Variants in TMEM131 observed in about 807,000 individuals in gnomAD.
The protein encoded by TMEM131 is transmembrane protein 131.
In TMEM131, 66 loss-of-function variants were observed where a neutral mutation model predicts 211.6. The ratio of observed to expected loss-of-function variants is 0.31; its 90% CI spans 0.26 to 0.38. The LOEUF (loss-of-function observed/expected upper bound fraction) is 0.38, where lower values mean the gene tolerates loss of function less well. Ranked by LOEUF, TMEM131 falls within the 10% of genes least tolerant of loss-of-function variation. The pLI is 1.00. For missense variants in TMEM131, 2,036 were observed against 2,299.3 expected (o/e 0.89, Z 2.34); for synonymous variants, 844 against 841.3 (o/e 1.00, Z -0.06).
chr2:97,871,941 G>A (rs547734540), intron 4 of TMEM131, among the ~76,000 whole-genome samples: 12 of 143,256 alleles, frequency 8.4e-5, no homozygotes, highest in East Asian at 7.9e-4. Flanking sequence ...AAATGGGGTC[G>A]GGGGGGGAGT....
intron 4 of TMEM131, among the ~76,000 whole-genome samples, chr2:97,864,237 C>CA (rs1249943019): frequency 6.6e-6 from 1 of 151,956 alleles, no homozygotes; most frequent in Non-Finnish European, 1.5e-5. Context: ...GGAAGGATAG[C>CA]AGCGGGGATG....
chr2:97,931,857 T>C (rs2104457468), intron 1 of TMEM131, among the ~76,000 whole-genome samples: 1 of 152,338 alleles, frequency 6.6e-6, no homozygotes, highest in African/African-American at 2.4e-5. Context: ...CTTCTCCTCC[T>C]TCAAGTCTCA....
chr2:97,856,707 T>C (rs1268010254), intron 5 of TMEM131, among the ~76,000 whole-genome samples: 3 of 152,324 alleles, frequency 2.0e-5, no homozygotes, highest in African/African-American at 4.8e-5. Flanking sequence ...GCTCTTATTG[T>C]TGGCATAAAG....
At chr2:97,925,634 G>A (rs1009686635) in intron 2 of TMEM131, among the ~76,000 whole-genome samples, 1 of 152,122 alleles carries the variant, frequency 6.6e-6, no homozygotes, top group Non-Finnish European at 1.5e-5. Flanking sequence ...TGGTGAGTAT[G>A]GTACTTACTG....
At chr2:97,827,351 A>G in intron 11 of TMEM131, 1 of 829,000 alleles carries the variant, frequency 1.2e-6, no homozygotes, top group Non-Finnish European at 2.2e-6. Context: ...GTGGAAGCAA[A>G]GCCGAAAAAG....
chr2:97,899,807 A>G (rs1399973025), intron 3 of TMEM131, among the ~76,000 whole-genome samples: 2 of 152,122 alleles, frequency 1.3e-5, no homozygotes, highest in Non-Finnish European at 2.9e-5. Context: ...GATGTACAAC[A>G]TATTTTAAAA....
At chr2:97,898,660 G>A (rs1353696422) in intron 3 of TMEM131, among the ~76,000 whole-genome samples, 8 of 152,124 alleles carry the variant, frequency 5.3e-5, no homozygotes, top group Non-Finnish European at 1.0e-4. Flanking sequence ...TCCAAACTGT[G>A]AGAAAATAAA....
intron 1 of TMEM131, among the ~76,000 whole-genome samples, chr2:97,942,731 A>C (rs1362284161): frequency 2.0e-5 from 3 of 152,114 alleles, no homozygotes; most frequent in Non-Finnish European, 4.4e-5. Context: ...CCCGCAAAGA[A>C]TAGCCTAGGG....
chr2:97,957,029 G>T (rs978689853), intron 1 of TMEM131, among the ~76,000 whole-genome samples: 3 of 151,754 alleles, frequency 2.0e-5, no homozygotes, highest in Non-Finnish European at 4.4e-5. Context: ...CCCGGGAGGC[G>T]GAGGTTGCAG....
chr2:97,956,378 T>A (rs947079374), intron 1 of TMEM131, among the ~76,000 whole-genome samples: 1 of 152,198 alleles, frequency 6.6e-6, no homozygotes, highest in East Asian at 1.9e-4. Context: ...CAATGGCCCA[T>A]CAGATAATTT....
intron 35 of TMEM131, among the ~76,000 whole-genome samples, chr2:97,765,902 G>C (rs1679139009): frequency 6.6e-6 from 1 of 151,450 alleles, no homozygotes; most frequent in Non-Finnish European, 1.5e-5. Flanking sequence ...GTGAATTGTT[G>C]AATGAGTCCC....
At chr2:97,790,316 GA>G (rs1169259369) in intron 31 of TMEM131, among the ~76,000 whole-genome samples, 1 of 151,882 alleles carries the variant, frequency 6.6e-6, no homozygotes, top group Non-Finnish European at 1.5e-5. Context: ...CATTGAAGAA[GA>G]AAAAAAATAT....
intron 11 of TMEM131, among the ~76,000 whole-genome samples, chr2:97,830,811 A>G (rs1354768935): frequency 6.6e-6 from 1 of 152,178 alleles, no homozygotes; most frequent in Non-Finnish European, 1.5e-5. Flanking sequence ...AGGAACTTCT[A>G]TTTGGAATTG....
chr2:97,904,692 C>A (rs1206831172), intron 3 of TMEM131, among the ~76,000 whole-genome samples: 1 of 151,806 alleles, frequency 6.6e-6, no homozygotes, highest in Non-Finnish European at 1.5e-5. Flanking sequence ...CTATTTTTCC[C>A]ATCTGCTTTT....
At chr2:97,871,142 T>C (rs1674474033) in intron 4 of TMEM131, among the ~76,000 whole-genome samples, 1 of 152,226 alleles carries the variant, frequency 6.6e-6, no homozygotes, top group Admixed American at 6.5e-5. Flanking sequence ...GTAATAATTA[T>C]ATAAGCCAAA....
At chr2:97,937,421 C>T (rs1573582924) in intron 1 of TMEM131, among the ~76,000 whole-genome samples, 1 of 151,866 alleles carries the variant, frequency 6.6e-6, no homozygotes, top group Non-Finnish European at 1.5e-5. Flanking sequence ...TGAGTGACTA[C>T]AAAACACCAT....
chr2:97,872,470 T>C (rs1674528251), intron 4 of TMEM131, among the ~76,000 whole-genome samples: 2 of 151,888 alleles, frequency 1.3e-5, no homozygotes, highest in South Asian at 4.2e-4. Flanking sequence ...AAAAACCAAT[T>C]GCTGGCAAGA....
intron 2 of TMEM131, among the ~76,000 whole-genome samples, chr2:97,911,235 T>G (rs1676279102): frequency 6.6e-6 from 1 of 152,180 alleles, no homozygotes; most frequent in Admixed American, 6.6e-5. Context: ...ATAAAGTGTT[T>G]TAAAATGTAA....
intron 31 of TMEM131, among the ~76,000 whole-genome samples, chr2:97,789,896 AG>A (rs889075477): frequency 6.6e-6 from 1 of 152,236 alleles, no homozygotes; most frequent in African/African-American, 2.4e-5. Context: ...TTCCACTGGA[AG>A]CAGTGACTGG....
Sources: allele counts gnomAD v4.1 joint callset (sites outside exome capture counted in the v4.1 genomes callset), GRCh38; gene constraint gnomAD v4.1.1; transcripts MANE v1.5; gene names NCBI Gene and HGNC (gene_info 2026-07-23, HGNC 2026-07-21).